Variants in GOLPH3L observed in about 807,000 individuals in gnomAD.
GOLPH3L encodes the protein golgi phosphoprotein 3 like.
GOLPH3L carries 22 observed loss-of-function variants against 30.3 expected under a neutral mutation model. That is an observed-to-expected ratio of 0.73 (90% confidence interval 0.52 to 1.04). The LOEUF (loss-of-function observed/expected upper bound fraction) is 1.04, where lower values mean the gene tolerates loss of function less well. Among genes scored for constraint, GOLPH3L ranks in the 50% least tolerant of loss-of-function variants. The pLI, the probability that GOLPH3L is intolerant of heterozygous loss-of-function variation, is 0.00. For synonymous variants in GOLPH3L, 120 were observed against 128.2 expected (o/e 0.94, Z 0.43); for missense variants, 303 against 345.8 (o/e 0.88, Z 0.98).
chr1:150,688,946 C>A (rs587694833), intron 2 of GOLPH3L, among the ~76,000 whole-genome samples: 202 of 152,274 alleles, frequency 1.3e-3, no homozygotes, highest in Non-Finnish European at 2.2e-3. Flanking sequence ...CTGGCTTCTA[C>A]TCCCAGCATC....
intron 2 of GOLPH3L, among the ~76,000 whole-genome samples, chr1:150,683,531 CAAAAAAAAA>C (rs35646727): frequency 1.8e-5 from 1 of 55,598 alleles, no homozygotes; most frequent in East Asian, 5.0e-4. Context: ...GACTCTGTCT[CAAAAAAAAA>C]AAAAAAAAAA....
chr1:150,657,887 C>T (rs991673366), intron 4 of GOLPH3L, among the ~76,000 whole-genome samples: 3 of 152,168 alleles, frequency 2.0e-5, no homozygotes, highest in Non-Finnish European at 4.4e-5. Context: ...TTTTTTGAGC[C>T]TGCCTAAAGG....
At position 150,683,732 on chromosome 1, in the gene GOLPH3L, A is replaced by AAG. The variant is rs1557788525; in HGVS notation, c.183+10922_183+10923dup. On this transcript the variant is annotated intron_variant, in intron 2 of 4. Transcript: ENST00000271732. ...AAAAAAAAAAAAAAAAAAAAAAAAA[A>AAG]AGAGAGATACTCAATAAATGTTGGC... Among the ~76,000 whole-genome samples the AAG allele has an allele frequency of 9.8e-3, 692 of 70,518 alleles. 6 individuals carry two copies. Among genetic ancestry groups the AAG allele is most frequent in the African/African-American group, 0.028 (611 of 21,972 alleles). The allele number at this position is 70,518 out of a possible 152,430, so 46.3% of individuals were successfully genotyped here.
intron 2 of GOLPH3L, among the ~76,000 whole-genome samples, chr1:150,666,642 A>C (rs1311077671): frequency 3.3e-5 from 5 of 152,118 alleles, no homozygotes; most frequent in Non-Finnish European, 7.4e-5. Flanking sequence ...TGGCCTTTGG[A>C]GAGTTTTTAA....
chr1:150,665,180 A>G (rs1650469259), intron 2 of GOLPH3L, among the ~76,000 whole-genome samples: 1 of 152,178 alleles, frequency 6.6e-6, no homozygotes, highest in Non-Finnish European at 1.5e-5. Flanking sequence ...TACTACTACT[A>G]CCCACACATT....
At chr1:150,684,553 T>C (rs954683200) in intron 2 of GOLPH3L, among the ~76,000 whole-genome samples, 2 of 152,170 alleles carry the variant, frequency 1.3e-5, no homozygotes, top group Non-Finnish European at 2.9e-5. Flanking sequence ...TTTAGTATAA[T>C]AGTGTCTCCC....
intron 2 of GOLPH3L, among the ~76,000 whole-genome samples, chr1:150,678,245 G>C (rs2101807024): frequency 8.1e-6 from 1 of 124,212 alleles, no homozygotes; most frequent in Admixed American, 1.0e-4. Flanking sequence ...GTTTCAGTGA[G>C]CCGAGATCGC....
chr1:150,667,922 C>CT, intron 2 of GOLPH3L, among the ~76,000 whole-genome samples: 2 of 152,198 alleles, frequency 1.3e-5, no homozygotes, highest in East Asian at 3.9e-4. Flanking sequence ...CCTCTTTCCC[C>CT]TATTGGCCTT....
chr1:150,667,557 A>G (rs1191642233), intron 2 of GOLPH3L, among the ~76,000 whole-genome samples: 2 of 151,984 alleles, frequency 1.3e-5, no homozygotes, highest in East Asian at 3.8e-4. Flanking sequence ...AAACAAAACA[A>G]AAGTGGCTAT....
intron 2 of GOLPH3L, among the ~76,000 whole-genome samples, chr1:150,672,244 A>T (rs1316291705): frequency 2.0e-5 from 3 of 152,144 alleles, no homozygotes; most frequent in Non-Finnish European, 4.4e-5. Flanking sequence ...AGCAAAACTA[A>T]TTTTATTATT....
intron 4 of GOLPH3L, among the ~76,000 whole-genome samples, chr1:150,655,039 TG>T (rs1407689359): frequency 2.0e-5 from 3 of 151,954 alleles, no homozygotes; most frequent in African/African-American, 7.3e-5. Context: ...TATGTGGAAA[TG>T]GGGAAAAGTG....
intron 2 of GOLPH3L, among the ~76,000 whole-genome samples, chr1:150,677,718 C>T (rs72702521): frequency 0.15 from 23,349 of 150,958 alleles, 2,096 homozygotes; most frequent in Non-Finnish European, 0.2. Context: ...CTCTACTTCT[C>T]GAGCTCAAGC....
intron 2 of GOLPH3L, among the ~76,000 whole-genome samples, chr1:150,666,772 TTTTG>T (rs1369158974): frequency 4.6e-5 from 7 of 152,278 alleles, no homozygotes; most frequent in South Asian, 2.1e-4. Flanking sequence ...ATTTGTGATT[TTTTG>T]TTTATTTTGT....
chr1:150,666,968 T>C (rs1414920741), intron 2 of GOLPH3L, among the ~76,000 whole-genome samples: 2 of 152,142 alleles, frequency 1.3e-5, no homozygotes, highest in East Asian at 3.9e-4. Flanking sequence ...ATTTACGAGA[T>C]TCTGGAGGCC....
chr1:150,663,698 C>T lies in GOLPH3L; in HGVS notation c.249G>A (p.Leu83=), dbSNP rs1184963422. ...SGLRGGILIE[L]AMRGRIYLEP... is the part of the protein sequence containing the mutation. ...CCAGATAGATTCGACCCCGCATGGC[C>T]AGCTCTATCAGGATGCCCCCTCGCA... is the stretch of plus-strand genomic sequence containing the variant. Residue 83 remains leucine, a synonymous_variant, in exon 3 of 5, where the codon CTG becomes CTA. Transcript: ENST00000271732. 9 of 1,613,566 alleles carry T rather than the reference C, an allele frequency of 5.6e-6. No individual in the cohort carries two copies. The highest frequency in any genetic ancestry group is 7.6e-6 in the Non-Finnish European group (9 of 1,179,692).
At chr1:150,659,250 C>A (rs868314642) in intron 4 of GOLPH3L, among the ~76,000 whole-genome samples, 6 of 152,200 alleles carry the variant, frequency 3.9e-5, no homozygotes, top group Non-Finnish European at 8.8e-5. Context: ...CCTCAAAAAT[C>A]TGGCCATAAA....
Position 150,648,519 on chromosome 1 carries a change from CT to C in GOLPH3L, c.659del (p.Lys220SerfsTer4). On this transcript the variant is annotated frameshift_variant, in exon 5 of 5. Transcript: ENST00000271732. LOFTEE classifies it high-confidence loss of function. ...CTAGCACCAGGAGTGCTAGTGTTCG[CT>C]TGTCCATACGCTGAGGGTCATTTAC... The part of the protein sequence containing the change: ...RWVNDPQRMD[K>X]RTLALLVLAH... 1 of 1,613,976 alleles carries C rather than the reference CT, an allele frequency of 6.2e-7. No individual in the cohort carries two copies. The highest frequency in any genetic ancestry group is 8.5e-7 in the Non-Finnish European group (1 of 1,179,852).
At chr1:150,650,602 T>C (rs780519978) in intron 4 of GOLPH3L, among the ~76,000 whole-genome samples, 3 of 152,132 alleles carry the variant, frequency 2.0e-5, no homozygotes, top group Admixed American at 1.3e-4. Flanking sequence ...TGAACCCTAT[T>C]GTGAACTGCA....
intron 2 of GOLPH3L, among the ~76,000 whole-genome samples, chr1:150,670,486 A>C (rs973365155): frequency 3.3e-5 from 5 of 151,864 alleles, no homozygotes; most frequent in Non-Finnish European, 7.4e-5. Context: ...AGTCCCAGCT[A>C]CTTGGGAGGC....
Sources: gnomAD v4.1 joint callset for allele counts (sites outside exome capture counted in the v4.1 genomes callset) on GRCh38, gnomAD v4.1.1 for gene constraint, MANE v1.5 for transcripts, NCBI Gene and HGNC (gene_info 2026-07-23, HGNC 2026-07-21) for gene names.